VWA8: variants seen among roughly 807,000 people sequenced by gnomAD.
VWA8 encodes von Willebrand factor A domain containing 8.
VWA8 carries 221 observed loss-of-function variants against 241.5 expected under a neutral mutation model. That is an observed-to-expected ratio of 0.91 (90% confidence interval 0.82 to 1.02). The LOEUF (loss-of-function observed/expected upper bound fraction) is 1.02. VWA8 is among the 50% of genes least tolerant of loss of function. The pLI, the probability that VWA8 is intolerant of heterozygous loss-of-function variation, is 0.00. For synonymous variants in VWA8, 852 were observed against 827.1 expected (o/e 1.03, Z -0.52); for missense variants, 2,322 against 2,328.7 (o/e 1.00, Z 0.06).
At position 41,891,405 on chromosome 13, in the gene VWA8, A is replaced by AT. The variant is rs754598839; in HGVS notation, c.651+14dup. 5.0e-6 allele frequency: 8 copies of AT among 1,613,788 alleles called. No homozygotes were observed. The highest frequency in any genetic ancestry group is 6.8e-6 in the Non-Finnish European group (8 of 1,179,892). ...TTGACAGCAAAGACAAAGCAACAGG[A>AT]TTTTCTTTTCTTACTCGGAGAAGTT... On this transcript the variant is annotated intron_variant, in intron 5 of 44. Coordinates refer to ENST00000379310, the MANE Select transcript of VWA8 (RefSeq NM_015058.2).
Position 41,685,129 on chromosome 13 carries a change from A to T in VWA8, c.4245T>A (p.Asn1415Lys). Residue 1415 changes from asparagine (N) to lysine (K), a missense_variant, in exon 35 of 45, where the codon AAT (asparagine) becomes AAA (lysine). Transcript: ENST00000379310. ...GATTCGTATCTAAAAGAGTCACACAATTGCTTTGTTTTGGAGTCCCCCTTT... is the reference window on the plus strand; with the variant it reads ...GATTCGTATCTAAAAGAGTCACACATTTGCTTTGTTTTGGAGTCCCCCTTT... ...KKKRGTPKQSNCVTLLDTNQV... is the reference protein window; with the variant it reads ...KKKRGTPKQSKCVTLLDTNQV... 1 of 1,613,606 alleles carries T rather than the reference A, an allele frequency of 6.2e-7. No individual in the cohort carries two copies. Among genetic ancestry groups the T allele is most frequent in the Non-Finnish European group, 8.5e-7 (1 of 1,179,732 alleles).
At chr13:41,701,579 A>G in intron 27 of VWA8, 49 bp from the exon 28 acceptor site, 1 of 1,482,478 alleles carries the variant, frequency 6.7e-7, no homozygotes, top group Non-Finnish European at 8.9e-7. Flanking sequence ...TGTCACCAAA[A>G]TGTAGAAAAG....
At chr13:41,878,966 C>CA (rs1874036674) in intron 9 of VWA8, among the ~76,000 whole-genome samples, 2 of 151,996 alleles carry the variant, frequency 1.3e-5, no homozygotes, top group African/African-American at 2.4e-5. Flanking sequence ...GTTTTTTTCA[C>CA]AAAAAACATT....
At chr13:41,886,063 T>A in intron 7 of VWA8, 35 bp from the exon 8 acceptor site, 1 of 1,351,526 alleles carries the variant, frequency 7.4e-7, no homozygotes, top group Admixed American at 2.5e-5. Flanking sequence ...TTAATAGTTT[T>A]AAAATATAAA....
intron 37 of VWA8, among the ~76,000 whole-genome samples, chr13:41,629,051 C>T (rs1187804849): frequency 6.6e-6 from 1 of 151,710 alleles, no homozygotes; most frequent in East Asian, 1.9e-4. Context: ...AAACAAAAAA[C>T]AAAAACAAGC....
At chr13:41,710,654 A>G (rs1419239067) in intron 26 of VWA8, among the ~76,000 whole-genome samples, 1 of 152,240 alleles carries the variant, frequency 6.6e-6, no homozygotes, top group Non-Finnish European at 1.5e-5. Flanking sequence ...GAACTCCACG[A>G]TCAACACCAT....
intron 17 of VWA8, among the ~76,000 whole-genome samples, chr13:41,794,770 C>G (rs1410037865): frequency 6.6e-6 from 1 of 151,890 alleles, no homozygotes; most frequent in African/African-American, 2.4e-5. Flanking sequence ...GGCTGTGGAC[C>G]CCATCCTTAT....
chr13:41,626,192 C>A (rs2044689866), intron 37 of VWA8, among the ~76,000 whole-genome samples: 1 of 151,900 alleles, frequency 6.6e-6, no homozygotes, highest in African/African-American at 2.4e-5. Context: ...TGTAACAAAC[C>A]TGCACATTGT....
intron 21 of VWA8, among the ~76,000 whole-genome samples, chr13:41,751,050 T>C (rs1433470414): frequency 2.0e-5 from 3 of 152,082 alleles, no homozygotes; most frequent in Non-Finnish European, 2.9e-5. Flanking sequence ...ATTGATCTCA[T>C]AGAGCTGTAG....
At chr13:41,900,086 A>G (rs545121356) in intron 4 of VWA8, among the ~76,000 whole-genome samples, 5 of 152,330 alleles carry the variant, frequency 3.3e-5, no homozygotes, top group Non-Finnish European at 5.9e-5. Flanking sequence ...CAGTTAAAAG[A>G]TGCTGTTATG....
intron 21 of VWA8, among the ~76,000 whole-genome samples, chr13:41,750,883 T>G (rs2045650758): frequency 8.7e-6 from 1 of 115,068 alleles, no homozygotes; most frequent in Admixed American, 9.0e-5. Flanking sequence ...TAAACATATT[T>G]GATAAAAAAA....
chr13:41,753,809 A>T (rs535540279), intron 21 of VWA8, among the ~76,000 whole-genome samples: 1 of 152,318 alleles, frequency 6.6e-6, no homozygotes, highest in South Asian at 2.1e-4. Flanking sequence ...TTTAGATGGT[A>T]ACATCACAAA....
rs56824001 is a variant in VWA8, at chr13:41,640,025, T to C, written c.4612-24941A>G. Among the ~76,000 whole-genome samples the C allele has an allele frequency of 1.1e-3, 170 of 152,304 alleles. 1 individual carries two copies. The highest frequency in any genetic ancestry group is 3.9e-3 in the African/African-American group (163 of 41,556). ...ACGCTTGGAAGCAAAGTGCTCTTTATGTGGGTCACATCACTACTCTACGAT... is the reference window on the plus strand; with the variant it reads ...ACGCTTGGAAGCAAAGTGCTCTTTACGTGGGTCACATCACTACTCTACGAT... On this transcript the variant is annotated intron_variant, in intron 37 of 44. Coordinates refer to ENST00000379310, the MANE Select transcript of VWA8 (RefSeq NM_015058.2).
intron 40 of VWA8, among the ~76,000 whole-genome samples, chr13:41,597,655 C>T (rs781657242): frequency 5.9e-5 from 9 of 151,728 alleles, no homozygotes; most frequent in Admixed American, 5.9e-4. Context: ...GTCTTTCCTT[C>T]AAGAATTAAA....
intron 9 of VWA8, among the ~76,000 whole-genome samples, chr13:41,880,377 C>T (rs1874112411): frequency 6.6e-6 from 1 of 152,084 alleles, no homozygotes; most frequent in Non-Finnish European, 1.5e-5. Flanking sequence ...CCCCTAAACA[C>T]TCCAGTTGGT....
In VWA8 at chr13:41,907,627, G is replaced by A. The variant is rs776238856; in HGVS notation, c.442C>T (p.Arg148Ter). ...RDTTETDLKQ[R>*]REIRAGTAFY... ...GCTGTGCCTGCACGGATCTCTCGTC[G>A]CTGTTTGAGATCAGTTTCAGTGGTG... The change falls in exon 4 of 45, where the codon CGA becomes TGA. Residue 148 changes from arginine to a stop codon, truncating the protein, a stop_gained. Coordinates refer to ENST00000379310, the MANE Select transcript of VWA8 (RefSeq NM_015058.2). LOFTEE classifies it high-confidence loss of function. 2.2e-5 allele frequency: 36 copies of A among 1,613,990 alleles called. No individual in the cohort carries two copies. Among genetic ancestry groups the A allele is most frequent in the African/African-American group, 5.3e-5 (4 of 74,910 alleles).
intron 2 of VWA8, among the ~76,000 whole-genome samples, chr13:41,938,824 C>A (rs1287730537): frequency 6.6e-6 from 1 of 152,128 alleles, no homozygotes; most frequent in Non-Finnish European, 1.5e-5. Context: ...AACACTTTCC[C>A]AGTGAAGTTT....
intron 2 of VWA8, among the ~76,000 whole-genome samples, chr13:41,944,672 A>G (rs1877767091): frequency 1.3e-5 from 2 of 152,192 alleles, no homozygotes; most frequent in Admixed American, 1.3e-4. Flanking sequence ...AGTGAACAGA[A>G]CTATACAGAA....
chr13:41,732,458 C>T (rs112667579), intron 21 of VWA8, among the ~76,000 whole-genome samples: 1 of 151,168 alleles, frequency 6.6e-6, no homozygotes, highest in Admixed American at 6.6e-5. Context: ...AAAATTACCA[C>T]CTGAGGGTGA....
Sources: allele counts gnomAD v4.1 joint callset (sites outside exome capture counted in the v4.1 genomes callset), GRCh38; gene constraint gnomAD v4.1.1; transcripts MANE v1.5; gene names NCBI Gene and HGNC (gene_info 2026-07-23, HGNC 2026-07-21).